Variants in TSHZ2 observed in about 807,000 individuals in gnomAD.
TSHZ2 encodes the protein teashirt homolog 2.
TSHZ2 carries 21 observed loss-of-function variants against 74.4 expected under a neutral mutation model. The ratio of observed to expected loss-of-function variants is 0.28; its 90% confidence interval spans 0.20 to 0.41. The LOEUF is 0.41. TSHZ2 is among the 10% of genes least tolerant of loss of function. The pLI is 1.00. For missense variants in TSHZ2, 1,244 were observed against 1,293.5 expected (o/e 0.96, Z 0.59); for synonymous variants, 540 against 515.3 (o/e 1.05, Z -0.65).
intron 2 of TSHZ2, among the ~76,000 whole-genome samples, chr20:53,441,693 G>A (rs541838235): frequency 9.9e-4 from 120 of 121,086 alleles, no homozygotes; most frequent in African/African-American, 4.7e-3. Context: ...AGCAATTTTT[G>A]TGCCTCAGCC....
chr20:53,474,123 C>T (rs1419366869), intron 2 of TSHZ2, among the ~76,000 whole-genome samples: 1 of 149,914 alleles, frequency 6.7e-6, no homozygotes, highest in Non-Finnish European at 1.5e-5. Context: ...TCTAGCAAGG[C>T]AGGCCAACGT....
chr20:53,117,535 T>C (rs1374017184), intron 1 of TSHZ2, among the ~76,000 whole-genome samples: 1 of 152,182 alleles, frequency 6.6e-6, no homozygotes, highest in Non-Finnish European at 1.5e-5. Context: ...ATTGTGCACA[T>C]AAGACAGGGT....
At chr20:53,204,087 C>T (rs1989079567) in intron 1 of TSHZ2, among the ~76,000 whole-genome samples, 1 of 117,802 alleles carries the variant, frequency 8.5e-6, no homozygotes, top group African/African-American at 2.8e-5. Context: ...CTATTTATAT[C>T]ATCATATGAT....
intron 2 of TSHZ2, among the ~76,000 whole-genome samples, chr20:53,471,351 T>C (rs543561177): frequency 6.6e-6 from 1 of 152,352 alleles, no homozygotes; most frequent in East Asian, 1.9e-4. Context: ...GGACCCACTC[T>C]GTGACAGATA....
At chr20:53,440,310 T>A (rs1276610194) in intron 2 of TSHZ2, among the ~76,000 whole-genome samples, 1 of 152,164 alleles carries the variant, frequency 6.6e-6, no homozygotes, top group Non-Finnish European at 1.5e-5. Context: ...CTGTTGATAG[T>A]AACAAGAGGG....
chr20:53,167,205 G>T (rs1432807101), intron 1 of TSHZ2, among the ~76,000 whole-genome samples: 1 of 152,218 alleles, frequency 6.6e-6, no homozygotes, highest in Non-Finnish European at 1.5e-5. Flanking sequence ...GGCCAGCAGA[G>T]GCCAAGTCAC....
intron 1 of TSHZ2, among the ~76,000 whole-genome samples, chr20:53,213,671 A>G (rs950799911): frequency 6.7e-6 from 1 of 149,720 alleles, no homozygotes; most frequent in Non-Finnish European, 1.5e-5. Context: ...TTGGGACACC[A>G]TTAAGAATTT....
intron 2 of TSHZ2, among the ~76,000 whole-genome samples, chr20:53,486,465 G>A (rs1233833636): frequency 6.6e-6 from 1 of 152,094 alleles, no homozygotes; most frequent in Non-Finnish European, 1.5e-5. Context: ...CACCTTGAGA[G>A]GCTGAGGTGG....
chr20:53,131,011 G>A (rs895618008), intron 1 of TSHZ2, among the ~76,000 whole-genome samples: 2 of 152,184 alleles, frequency 1.3e-5, no homozygotes, highest in Non-Finnish European at 2.9e-5. Flanking sequence ...ACATAAAATG[G>A]TGACTAATAT....
At chr20:53,265,874 T>G (rs1444979574) in intron 2 of TSHZ2, among the ~76,000 whole-genome samples, 1 of 152,174 alleles carries the variant, frequency 6.6e-6, no homozygotes, top group African/African-American at 2.4e-5. Context: ...GAGAAATGTG[T>G]TTTCCCTTCC....
At chr20:53,006,963 C>T (rs1982667788) in intron 1 of TSHZ2, among the ~76,000 whole-genome samples, 1 of 152,148 alleles carries the variant, frequency 6.6e-6, no homozygotes, top group South Asian at 2.1e-4. Flanking sequence ...ATTTGAGCAC[C>T]TACAATGTGC....
At chr20:53,070,196 A>C (rs1985127202) in intron 1 of TSHZ2, among the ~76,000 whole-genome samples, 1 of 152,236 alleles carries the variant, frequency 6.6e-6, no homozygotes, top group Admixed American at 6.5e-5. Flanking sequence ...GTTATATAAG[A>C]AATGTGAACC....
chr20:53,066,646 A>G (rs577103672), intron 1 of TSHZ2, among the ~76,000 whole-genome samples: 1 of 152,122 alleles, frequency 6.6e-6, no homozygotes, highest in South Asian at 2.1e-4. Context: ...TAGCTGGGAT[A>G]ACAGGTACGC....
intron 1 of TSHZ2, among the ~76,000 whole-genome samples, chr20:53,079,652 T>C (rs1401248739): frequency 1.3e-5 from 2 of 152,120 alleles, no homozygotes; most frequent in Non-Finnish European, 2.9e-5. Context: ...GAAGTGAATA[T>C]CAGCTGGCCC....
intron 2 of TSHZ2, among the ~76,000 whole-genome samples, chr20:53,342,984 T>C (rs188953065): frequency 0.011 from 1,464 of 133,326 alleles, 44 homozygotes; most frequent in African/African-American, 0.039. Context: ...TTTTTTTTTT[T>C]GAGACCAAGT....
chr20:53,164,883 C>T (rs1227287644), intron 1 of TSHZ2, among the ~76,000 whole-genome samples: 1 of 152,136 alleles, frequency 6.6e-6, no homozygotes, highest in Non-Finnish European at 1.5e-5. Flanking sequence ...ACATATGTTG[C>T]CTACCATAAA....
chr20:53,321,069 C>A (rs1600809038), intron 2 of TSHZ2, among the ~76,000 whole-genome samples: 1 of 152,360 alleles, frequency 6.6e-6, no homozygotes, highest in Middle Eastern at 3.4e-3. Flanking sequence ...CAACAACATG[C>A]ATTCCACAAT....
intron 2 of TSHZ2, among the ~76,000 whole-genome samples, chr20:53,429,135 G>A (rs1983752865): frequency 6.6e-6 from 1 of 152,100 alleles, no homozygotes; most frequent in Non-Finnish European, 1.5e-5. Context: ...CACTGCCTCC[G>A]ATTTGACTTC....
intron 1 of TSHZ2, among the ~76,000 whole-genome samples, chr20:53,005,092 C>T (rs1982590369): frequency 1.3e-5 from 2 of 152,096 alleles, no homozygotes; most frequent in South Asian, 4.1e-4. Context: ...GCCAGAGGAT[C>T]AGTGAGGTCA....
Sources: allele counts gnomAD v4.1 joint callset (sites outside exome capture counted in the v4.1 genomes callset), GRCh38; gene constraint gnomAD v4.1.1; transcripts MANE v1.5; gene names NCBI Gene and HGNC (gene_info 2026-07-23, HGNC 2026-07-21).